Variants in SRGAP3 observed in about 807,000 individuals in gnomAD.
The protein encoded by SRGAP3 is SLIT-ROBO Rho GTPase activating protein 3, also known as SLIT-ROBO Rho GTPase-activating protein 3.
A neutral mutation model predicts 121.1 loss-of-function variants in SRGAP3; 39 were observed. That is an observed-to-expected ratio of 0.32 (90% CI 0.25 to 0.42). SRGAP3 has a LOEUF of 0.42. SRGAP3 is among the 10% of genes least tolerant of loss of function. The pLI, the probability that SRGAP3 is intolerant of heterozygous loss-of-function variation, is 1.00. For synonymous variants in SRGAP3, 601 were observed against 570.0 expected, an observed-to-expected ratio of 1.05 and a Z score of -0.77; for missense variants, 1,213 against 1,470.6, an observed-to-expected ratio of 0.82 and a Z score of 2.86.
chr3:9,318,391 G>A (rs1178911859), intron 3 of SRGAP3, among the ~76,000 whole-genome samples: 2 of 151,658 alleles, frequency 1.3e-5, no homozygotes, highest in African/African-American at 4.8e-5. Flanking sequence ...CTCTCTCTGG[G>A]GCTGGCTGTA....
chr3:9,312,115 G>A (rs1321183106), intron 3 of SRGAP3, among the ~76,000 whole-genome samples: 1 of 152,154 alleles, frequency 6.6e-6, no homozygotes, highest in Admixed American at 6.5e-5. Context: ...ACAATTAGCT[G>A]AGATTCAATT....
intron 3 of SRGAP3, chr3:9,257,075 C>T (rs998098074): frequency 1.3e-5 from 5 of 386,492 alleles, no homozygotes; most frequent in Non-Finnish European, 1.8e-5. Context: ...TAGTTCAGAA[C>T]CTAAATGGGA....
Position 8,985,760 on chromosome 3 carries a change from T to G in SRGAP3, c.3059A>C (p.Asp1020Ala), listed in dbSNP as rs1195407145. Reference protein sequence around the residue: ...ASPLHTIVIRDPDAAMRRSSS... With the variant: ...ASPLHTIVIRAPDAAMRRSSS... ...GCTGCGGCGCATGGCGGCATCGGGG[T>G]CGCGGATGACGATGGTGTGAAGGGG... is the stretch of plus-strand genomic sequence containing the variant. The change falls in exon 22 of 22, where the codon GAC (aspartate) becomes GCC (alanine). Residue 1020 changes from aspartate (D) to alanine (A), a missense_variant. Asp to Ala is a moderately radical substitution (Grantham distance 126). This residue lies in a region of SRGAP3 where 420 missense variants were observed against 437.7 expected (regional missense o/e 0.96). Coordinates refer to ENST00000383836, the MANE Select transcript of SRGAP3 (RefSeq NM_014850.4). This position sits in a 1 kb window ranked among gnomAD's most constrained non-coding sequence, Gnocchi z 5.1. 3.8e-6 allele frequency: 6 copies of G among 1,597,716 alleles called. No individual in the cohort carries two copies. The highest frequency in any genetic ancestry group is 5.1e-6 in the Non-Finnish European group (6 of 1,179,266).
At chr3:9,246,103 A>G (rs938112741) in intron 1 of SRGAP3, among the ~76,000 whole-genome samples, 2 of 152,312 alleles carry the variant, frequency 1.3e-5, no homozygotes. Context: ...GAATCCTTCT[A>G]TTTTACAATA....
At chr3:9,066,718 T>G (rs1212072735) in intron 4 of SRGAP3, among the ~76,000 whole-genome samples, 2 of 152,202 alleles carry the variant, frequency 1.3e-5, no homozygotes, top group African/African-American at 4.8e-5. Flanking sequence ...AATCTGGTCT[T>G]GATCTCCTGA....
chr3:9,122,767 A>AATTGG (rs1006995018), intron 2 of SRGAP3, among the ~76,000 whole-genome samples: 4 of 152,092 alleles, frequency 2.6e-5, no homozygotes, highest in Admixed American at 2.6e-4. Flanking sequence ...GTATTTGCAA[A>AATTGG]TGTGTAATGC....
chr3:9,347,046 G>A (rs1177924282), intron 1 of SRGAP3, among the ~76,000 whole-genome samples: 1 of 152,048 alleles, frequency 6.6e-6, no homozygotes, highest in Non-Finnish European at 1.5e-5. Context: ...CGCCCACCTC[G>A]CCCTCCCAAA....
chr3:9,310,131 T>G (rs1955218128), intron 3 of SRGAP3, among the ~76,000 whole-genome samples: 1 of 152,170 alleles, frequency 6.6e-6, no homozygotes, highest in Non-Finnish European at 1.5e-5. Flanking sequence ...CTGAGCTCAT[T>G]AAGCTAATCG....
At chr3:9,101,722 C>T (rs941000988) in intron 3 of SRGAP3, among the ~76,000 whole-genome samples, 3 of 152,202 alleles carry the variant, frequency 2.0e-5, no homozygotes, top group Admixed American at 2.0e-4. Context: ...AGGCTTATAA[C>T]TAGTAAGGTC....
At position 9,064,538 on chromosome 3, in the gene SRGAP3, G is replaced by A. The variant is rs1469070230; in HGVS notation, c.530C>T (p.Ala177Val). 3.1e-6 allele frequency: 5 copies of A among 1,614,038 alleles called. No homozygotes were observed. The highest frequency in any genetic ancestry group is 4.2e-6 in the Non-Finnish European group (5 of 1,180,030). ...CTCAGCCTCCTTCAGCTTGCTTTCC[G>A]CACTGATGCTCTCTGCATGGTACAT... The part of the protein sequence containing the change: ...YHMYHAESIS[A>V]ESKLKEAEKQ... Residue 177 changes from alanine to valine, a missense_variant, in exon 5 of 22, where the codon GCG becomes GTG. Physicochemically the swap from Ala to Val is moderately conservative, Grantham distance 64. Coordinates refer to ENST00000383836, the MANE Select transcript of SRGAP3 (RefSeq NM_014850.4).
intron 4 of SRGAP3, among the ~76,000 whole-genome samples, chr3:9,069,951 A>AG (rs1946624435): frequency 6.6e-6 from 1 of 151,762 alleles, no homozygotes; most frequent in East Asian, 1.9e-4. Context: ...CATCTCAAAA[A>AG]AAAAGAAAGA....
At chr3:9,276,020 C>A (rs2125262808) in intron 3 of SRGAP3, among the ~76,000 whole-genome samples, 1 of 152,052 alleles carries the variant, frequency 6.6e-6, no homozygotes, top group South Asian at 2.1e-4. Context: ...GGCAACATAG[C>A]AAGACCCTGT....
At chr3:9,056,130 G>C in intron 8 of SRGAP3, 103 bp downstream of exon 8, 1 of 1,005,732 alleles carries the variant, frequency 9.9e-7, no homozygotes, top group South Asian at 1.3e-5. Context: ...CATCTTATAA[G>C]TGGAACTATC....
intron 3 of SRGAP3, among the ~76,000 whole-genome samples, chr3:9,085,733 T>A (rs1394993749): frequency 6.6e-6 from 1 of 152,168 alleles, no homozygotes; most frequent in African/African-American, 2.4e-5. Context: ...TACCACATAT[T>A]CTTACTTATA....
At chr3:9,097,070 A>G (rs975435411) in intron 3 of SRGAP3, among the ~76,000 whole-genome samples, 28 of 149,514 alleles carry the variant, frequency 1.9e-4, no homozygotes, top group African/African-American at 6.6e-4. Flanking sequence ...GGCGCACTGC[A>G]GCCCCAAAAT....
intron 20 of SRGAP3, among the ~76,000 whole-genome samples, chr3:8,992,043 GC>G (rs1450193776): frequency 6.6e-6 from 1 of 152,170 alleles, no homozygotes; most frequent in African/African-American, 2.4e-5. Flanking sequence ...CCACCACAGT[GC>G]CCCGAGCTAT....
rs181277652 is a variant in SRGAP3 at position 9,185,166 on chromosome 3, C to G, written c.68-60249G>C. The stretch of plus-strand genomic sequence containing the variant: ...AGAGTCCCCTTGGCAGTATTCCATC[C>G]ACTGACTGGGGCATTTGTGGTTTCA... On this transcript the variant is annotated intron_variant, in intron 1 of 21. Coordinates refer to ENST00000383836, the MANE Select transcript of SRGAP3 (RefSeq NM_014850.4). Among the ~76,000 whole-genome samples, 47 of 152,346 alleles carry G rather than the reference C, an allele frequency of 3.1e-4. No homozygotes were observed. In the East Asian group the frequency reaches 8.7e-3, roughly 28 times the overall value.
chr3:9,120,320 C>T (rs1244022120), intron 2 of SRGAP3, among the ~76,000 whole-genome samples: 1 of 152,214 alleles, frequency 6.6e-6, no homozygotes, highest in East Asian at 1.9e-4. Context: ...GTGCTGCAGG[C>T]TGATGGCACG....
At chr3:9,311,576 A>G (rs544519685) in intron 3 of SRGAP3, among the ~76,000 whole-genome samples, 1 of 152,330 alleles carries the variant, frequency 6.6e-6, no homozygotes, top group Admixed American at 6.5e-5. Flanking sequence ...GCACCCAAAT[A>G]CAACTGTATT....
Sources: gnomAD v4.1 joint callset for allele counts (sites outside exome capture counted in the v4.1 genomes callset) on GRCh38, gnomAD v4.1.1 for gene constraint, gnomAD v4.1.1 regional missense constraint, Gnocchi (gnomAD v3.1) non-coding constraint, MANE v1.5 for transcripts, NCBI Gene and HGNC (gene_info 2026-07-23, HGNC 2026-07-21) for gene names.